The following CAPN14 variants were observed in gnomAD, a reference collection of about 807,000 sequenced individuals.
CAPN14 encodes calpain 14.
In CAPN14, 94 loss-of-function variants were observed where a neutral mutation model predicts 101.3. The observed-to-expected ratio is 0.93, with a 90% CI of 0.79 to 1.10. The LOEUF is 1.10. Ranked by LOEUF, CAPN14 falls within the 50% of genes least tolerant of loss-of-function variation. CAPN14 has a pLI of 0.00. For synonymous variants in CAPN14, 338 were observed against 317.9 expected (o/e 1.06, Z -0.67); for missense variants, 837 against 828.4 (o/e 1.01, Z -0.13).
intron 2 of CAPN14, 88 bp downstream of exon 2, chr2:31,205,135 G>GT (rs1682002548): frequency 2.0e-5 from 23 of 1,169,446 alleles, no homozygotes; most frequent in Admixed American, 1.8e-4. Context: ...GAAAAAGCCT[G>GT]TTTTTTTCTC....
intron 1 of CAPN14, among the ~76,000 whole-genome samples, chr2:31,233,390 C>G (rs1336396295): frequency 6.6e-6 from 1 of 152,186 alleles, no homozygotes; most frequent in Non-Finnish European, 1.5e-5. Context: ...CATTTAGGAT[C>G]CAGCTTACAG....
Position 31,226,349 on chromosome 2 carries a change from T to C in CAPN14, c.-53+179A>G, listed in dbSNP as rs141042819. ...GTTATAACATATAAGGTTATAATAA[T>C]TGGCCAACTACAGGTAATTCACATT... is the stretch of plus-strand genomic sequence containing the variant. On this transcript the variant is annotated intron_variant and NMD_transcript_variant, in intron 2 of 21. Transcript: ENST00000398824. 5.8e-3 allele frequency among the ~76,000 whole-genome samples: 886 copies of C among 152,322 alleles called. 13 individuals carry two copies. The highest frequency in any genetic ancestry group is 0.02 in the African/African-American group (851 of 41,558).
intron 12 of CAPN14, among the ~76,000 whole-genome samples, chr2:31,190,185 C>T (rs1278253505): frequency 4.3e-5 from 6 of 141,080 alleles, no homozygotes; most frequent in African/African-American, 1.4e-4. Flanking sequence ...TTTGTTTCTC[C>T]ATCTCTCCCT....
At chr2:31,188,449 C>T in intron 13 of CAPN14, 95 bp from the exon 14 acceptor site, 2 of 1,110,914 alleles carry the variant, frequency 1.8e-6, no homozygotes, top group South Asian at 2.7e-5. Context: ...TTCCACGTTC[C>T]TTCACTGAGG....
At chr2:31,188,265 A>C (rs1572400231) in intron 14 of CAPN14, 53 bp downstream of exon 14, 3 of 1,494,356 alleles carry the variant, frequency 2.0e-6, no homozygotes, top group African/African-American at 1.4e-5. Context: ...GAAACCCAAC[A>C]CCCTGGCTTG....
At chr2:31,200,986 G>T (rs1436505519) in intron 5 of CAPN14, among the ~76,000 whole-genome samples, 1 of 152,126 alleles carries the variant, frequency 6.6e-6, no homozygotes, top group East Asian at 1.9e-4. Context: ...CTGCTTGCGG[G>T]AAACCTGTTG....
chr2:31,199,745 A>G lies in CAPN14; in HGVS notation c.727-213T>C, dbSNP rs73921584. ...AGCCATTCTGCAGTGATCATGCCAT[A>G]CCCTCAATTTTACAGAGGACAAACT... On this transcript the variant is annotated intron_variant, in intron 6 of 21. Coordinates refer to ENST00000403897, the MANE Select transcript of CAPN14 (RefSeq NM_001145122.2). Among the ~76,000 whole-genome samples the G allele has an allele frequency of 3.7e-3, 561 of 152,266 alleles. 1 individual carries two copies. The highest frequency in any genetic ancestry group is 0.013 in the African/African-American group (530 of 41,558).
chr2:31,193,023 T>G lies in CAPN14; in HGVS notation c.1114+108A>C, dbSNP rs1023569543. The G allele has an allele frequency of 2.7e-6, 3 of 1,125,464 alleles. No individual in the cohort carries two copies. The African/African-American group carries it at 4.6e-5, about 17-fold the overall frequency. 69.7% of individuals were successfully genotyped at this position (1,125,464 alleles called of 1,614,324 possible). A position where few individuals can be genotyped will look rare whatever the true frequency, so the allele number is the denominator to read the frequency against. ...ACACAGTGAGGCAAGCAGAGCCTCC[T>G]CCCCACTCAGCCAATGCAGAATTCG... On this transcript the variant is annotated intron_variant, in intron 10 of 21. Transcript: ENST00000403897.
At chr2:31,195,268 G>A (rs1176535344) in intron 8 of CAPN14, among the ~76,000 whole-genome samples, 1 of 152,208 alleles carries the variant, frequency 6.6e-6, no homozygotes, top group African/African-American at 2.4e-5. Context: ...CCTAAGACTG[G>A]ACCGTAAGCA....
Position 31,230,592 on chromosome 2 carries a change from T to C in CAPN14, c.-177+3199A>G, listed in dbSNP as rs1476343866. Among the ~76,000 whole-genome samples, 1 of 152,236 alleles carries C rather than the reference T, an allele frequency of 6.6e-6. No homozygotes were observed. The highest frequency in any genetic ancestry group is 1.5e-5 in the Non-Finnish European group (1 of 68,040). ...TAGTGTGGTTTGGCATTTCTCTAATTACTAATGAGATGCAACATGTTTTCT... is the reference window on the plus strand; with the variant it reads ...TAGTGTGGTTTGGCATTTCTCTAATCACTAATGAGATGCAACATGTTTTCT... On this transcript the variant is annotated intron_variant and NMD_transcript_variant, in intron 1 of 21. Transcript: ENST00000398824. This position sits in a 1 kb window ranked among gnomAD's most constrained non-coding sequence, Gnocchi z 4.3.
In CAPN14 at chr2:31,174,397, G is replaced by T; in HGVS notation, c.*284C>A. 1.8e-6 allele frequency: 1 copy of T among 557,716 alleles called. No homozygotes were observed. Among genetic ancestry groups the T allele is most frequent in the South Asian group, 2.1e-5 (1 of 47,910 alleles). 34.5% of individuals were successfully genotyped at this position (557,716 alleles called of 1,614,324 possible). On this transcript the variant is annotated 3_prime_UTR_variant, in exon 22 of 22. Transcript: ENST00000403897. ...CCAGCTCTGGAGTCAGAATGCTTAG[G>T]CCATGTCAGGTAACATCTCCGCTTG...
At position 31,177,120 on chromosome 2, in the gene CAPN14, G is replaced by C; in HGVS notation, c.1878C>G (p.Val626=). The C allele has an allele frequency of 1.9e-6, 3 of 1,551,176 alleles. No homozygotes were observed. The highest frequency in any genetic ancestry group is 2.6e-6 in the Non-Finnish European group (3 of 1,146,658). ...REAGIMLSDD[V]CQLMLIRYGG... is the part of the protein sequence containing the mutation. ...CGTAGCGGATGAGCATCAGCTGACA[G>C]ACGTCATCACTGAGCATGATTCCTG... The change falls in exon 20 of 22, where the codon GTC becomes GTG. Residue 626 remains valine, a synonymous_variant. Transcript: ENST00000403897.
chr2:31,210,964 A>C (rs572216339), intron 1 of CAPN14, among the ~76,000 whole-genome samples: 71 of 152,336 alleles, frequency 4.7e-4, no homozygotes, highest in South Asian at 1.0e-3. Context: ...ACTAGAGTTT[A>C]ACTATGTCTT....
At chr2:31,200,371 C>T (rs1337622510) in intron 6 of CAPN14, 80 bp downstream of exon 6, 3 of 1,327,246 alleles carry the variant, frequency 2.3e-6, no homozygotes, top group Non-Finnish European at 3.1e-6. Flanking sequence ...GAGCCCACAC[C>T]CAGGTGAGGG....
chr2:31,188,298 A>T lies in CAPN14; in HGVS notation c.1530+20T>A. The T allele has an allele frequency of 6.5e-7, 1 of 1,550,350 alleles. No homozygotes were observed. Among genetic ancestry groups the T allele is most frequent in the Non-Finnish European group, 8.7e-7 (1 of 1,145,800 alleles). ...TTGGAAAGCAGTCCCAGCCATATGGAATTCCACCAGACTACTCACCTTTGA... is the reference window on the plus strand; with the variant it reads ...TTGGAAAGCAGTCCCAGCCATATGGTATTCCACCAGACTACTCACCTTTGA... On this transcript the variant is annotated intron_variant, in intron 14 of 21. Coordinates refer to ENST00000403897, the MANE Select transcript of CAPN14 (RefSeq NM_001145122.2).
chr2:31,176,716 GTC>G, intron 20 of CAPN14, 74 bp from the exon 21 acceptor site: 1 of 1,330,986 alleles, frequency 7.5e-7, no homozygotes, highest in Admixed American at 2.0e-5. Flanking sequence ...CCTCCCATAT[GTC>G]TCACCTTAAC....
At chr2:31,232,907 G>A (rs903222358) in intron 1 of CAPN14, among the ~76,000 whole-genome samples, 16 of 152,168 alleles carry the variant, frequency 1.1e-4, no homozygotes, top group African/African-American at 3.4e-4. Flanking sequence ...GGAGGGTAGT[G>A]GGAGTCATTA....
At chr2:31,182,519 C>G (rs1300209758) in intron 16 of CAPN14, among the ~76,000 whole-genome samples, 1 of 129,524 alleles carries the variant, frequency 7.7e-6, no homozygotes, top group Non-Finnish European at 1.6e-5. Context: ...ACAAAAATCA[C>G]AAGCATTCTT....
At chr2:31,200,342 G>A in intron 6 of CAPN14, 109 bp downstream of exon 6, 1 of 979,632 alleles carries the variant, frequency 1.0e-6, no homozygotes, top group Non-Finnish European at 1.5e-6. Flanking sequence ...CTCAGCACTA[G>A]GAGCTGGGTG....
Sources: gnomAD v4.1 joint callset for allele counts (sites outside exome capture counted in the v4.1 genomes callset) on GRCh38, gnomAD v4.1.1 for gene constraint, Gnocchi (gnomAD v3.1) non-coding constraint, MANE v1.5 for transcripts, NCBI Gene and HGNC (gene_info 2026-07-23, HGNC 2026-07-21) for gene names.